The following FAM78B variants were observed in gnomAD, a reference collection of about 807,000 sequenced individuals.
The protein encoded by FAM78B is family with sequence similarity 78 member B, also known as protein FAM78B.
Under a neutral mutation model 20.0 loss-of-function variants are expected in FAM78B, and 10 were observed. The ratio of observed to expected loss-of-function variants is 0.50; its 90% CI spans 0.31 to 0.85. FAM78B has a LOEUF of 0.85. FAM78B is among the 40% of genes least tolerant of loss of function. The pLI, the probability that FAM78B is intolerant of heterozygous loss-of-function variation, is 0.05. For synonymous variants in FAM78B, 135 were observed against 132.8 expected (o/e 1.02, Z -0.12); for missense variants, 283 against 345.0 (o/e 0.82, Z 1.42).
At chr1:166,165,811 C>A (rs1382216695) in intron 1 of FAM78B, among the ~76,000 whole-genome samples, 175 bp downstream of exon 1, 1 of 152,112 alleles carries the variant, frequency 6.6e-6, no homozygotes, top group Non-Finnish European at 1.5e-5. Context: ...CTCCCTACAC[C>A]CGCCCTGTCA....
In FAM78B at chr1:166,157,552, G is replaced by A. The variant is rs186280916; in HGVS notation, c.263+8434C>T. On this transcript the variant is annotated intron_variant, in intron 1 of 1. Coordinates refer to ENST00000354422, the MANE Select transcript of FAM78B (RefSeq NM_001017961.5). Reference sequence around the variant, plus strand: ...ACCCCAGAACCTAATGAGGGAGCAGGGTCCACATGGGCCTCGAGAAAAGGA... The same window carrying A: ...ACCCCAGAACCTAATGAGGGAGCAGAGTCCACATGGGCCTCGAGAAAAGGA... 4.1e-3 allele frequency among the ~76,000 whole-genome samples: 618 copies of A among 152,112 alleles called. 2 individuals carry two copies. Among genetic ancestry groups the A allele is most frequent in the Non-Finnish European group, 5.4e-3 (364 of 68,002 alleles).
chr1:166,163,447 G>T (rs1015536655), intron 1 of FAM78B, among the ~76,000 whole-genome samples: 4 of 152,150 alleles, frequency 2.6e-5, no homozygotes, highest in Non-Finnish European at 5.9e-5. Context: ...GTAAACAGGA[G>T]TTTCTTGCCA....
intron 2 of FAM78B, among the ~76,000 whole-genome samples, chr1:166,062,543 A>G (rs1651636745): frequency 6.6e-6 from 1 of 152,252 alleles, no homozygotes; most frequent in African/African-American, 2.4e-5. Flanking sequence ...CAGAAGACTT[A>G]GGAAATTTTT....
In FAM78B at chr1:166,103,393, C is replaced by CA. The variant is rs543377857; in HGVS notation, c.264-32631dup. Among the ~76,000 whole-genome samples, 27 of 152,114 alleles carry CA rather than the reference C, an allele frequency of 1.8e-4. No homozygotes were observed. The South Asian group carries it at 3.5e-3, about 20-fold the overall frequency. The stretch of plus-strand genomic sequence containing the variant: ...GGAAATAGAGACACAAAAAACCCTT[C>CA]AAAAAATCAATGAATCCAGGAGCTG... On this transcript the variant is annotated intron_variant, in intron 1 of 1. Transcript: ENST00000354422.
At position 166,166,471 on chromosome 1, in the gene FAM78B, T is replaced by G. The variant is rs1400877395; in HGVS notation, c.-223A>C. The G allele has an allele frequency of 1.0e-5, 2 of 190,924 alleles. No individual in the cohort carries two copies. Among genetic ancestry groups the G allele is most frequent in the Non-Finnish European group, 1.9e-5 (2 of 103,090 alleles). 11.8% of individuals were successfully genotyped at this position (190,924 alleles called of 1,614,324 possible). ...CCGACGTCCGCCCACGCCCGCCCCC[T>G]CGCTCCGGCAGGGCGCGCGGAGGGT... is the stretch of plus-strand genomic sequence containing the variant. On this transcript the variant is annotated 5_prime_UTR_variant, in exon 1 of 2. Transcript: ENST00000354422.
chr1:166,085,061 C>T (rs1302706330), intron 1 of FAM78B, among the ~76,000 whole-genome samples: 4 of 152,216 alleles, frequency 2.6e-5, no homozygotes, highest in Non-Finnish European at 5.9e-5. Context: ...ATGGAACCTT[C>T]TGGTGGATCC....
chr1:166,077,237 T>C (rs939991213), intron 1 of FAM78B, among the ~76,000 whole-genome samples: 2 of 152,198 alleles, frequency 1.3e-5, no homozygotes, highest in Non-Finnish European at 2.9e-5. Flanking sequence ...TCCAGCATCA[T>C]GGCTGAAAGC....
At chr1:166,120,569 C>T (rs527906447) in intron 1 of FAM78B, among the ~76,000 whole-genome samples, 1 of 152,282 alleles carries the variant, frequency 6.6e-6, no homozygotes, top group African/African-American at 2.4e-5. Flanking sequence ...AGAACAAACC[C>T]AATTTGTGTG....
downstream of FAM78B, among the ~76,000 whole-genome samples, chr1:166,056,279 C>T (rs187734456): frequency 1.6e-3 from 234 of 148,758 alleles, 1 homozygote; most frequent in African/African-American, 5.5e-3. Flanking sequence ...TGTGTGTGTG[C>T]GTGTGTAGAG....
intron 2 of FAM78B, among the ~76,000 whole-genome samples, chr1:166,062,944 C>A (rs1344553065): frequency 6.6e-6 from 1 of 152,246 alleles, no homozygotes; most frequent in Non-Finnish European, 1.5e-5. Context: ...TGTCTGTGCA[C>A]ATACTGACGT....
chr1:166,124,746 T>C (rs531352805), intron 1 of FAM78B, among the ~76,000 whole-genome samples: 11 of 152,352 alleles, frequency 7.2e-5, no homozygotes, highest in Non-Finnish European at 1.2e-4. Context: ...CTGACAGAAC[T>C]GAACGGAACC....
intron 1 of FAM78B, among the ~76,000 whole-genome samples, chr1:166,150,897 C>A (rs1655647625): frequency 6.6e-6 from 1 of 151,890 alleles, no homozygotes; most frequent in African/African-American, 2.4e-5. Flanking sequence ...CTAGCCTGAG[C>A]AACACAGTGA....
chr1:166,064,804 A>G (rs1350973844), downstream of FAM78B, among the ~76,000 whole-genome samples: 1 of 152,218 alleles, frequency 6.6e-6, no homozygotes, highest in Non-Finnish European at 1.5e-5. Flanking sequence ...ATTTTCAGAC[A>G]CTGTCCTACT....
At chr1:166,139,088 G>A (rs1363799562) in intron 1 of FAM78B, among the ~76,000 whole-genome samples, 1 of 152,104 alleles carries the variant, frequency 6.6e-6, no homozygotes, top group African/African-American at 2.4e-5. Context: ...GCAGCAAGGG[G>A]GACACCAGAA....
chr1:166,078,714 G>C (rs1182612993), intron 1 of FAM78B, among the ~76,000 whole-genome samples: 1 of 152,188 alleles, frequency 6.6e-6, no homozygotes, highest in Non-Finnish European at 1.5e-5. Flanking sequence ...GGGAGAGGCT[G>C]GCAGCAACAT....
chr1:166,088,342 C>T (rs1652919339), intron 1 of FAM78B, among the ~76,000 whole-genome samples: 1 of 152,170 alleles, frequency 6.6e-6, no homozygotes, highest in Non-Finnish European at 1.5e-5. Context: ...CCTGCATGGC[C>T]CTTTACTCCA....
chr1:166,095,674 G>C (rs566762164), intron 1 of FAM78B, among the ~76,000 whole-genome samples: 2 of 152,250 alleles, frequency 1.3e-5, no homozygotes, highest in African/African-American at 4.8e-5. Flanking sequence ...CTGCCAAAAA[G>C]GGGGCAGGAG....
intron 1 of FAM78B, among the ~76,000 whole-genome samples, chr1:166,090,278 A>C (rs1177316270): frequency 6.6e-6 from 1 of 151,446 alleles, no homozygotes; most frequent in East Asian, 2.0e-4. Flanking sequence ...TGAGCACGTA[A>C]ACACAAACAA....
chr1:166,160,076 G>A (rs775642470), intron 1 of FAM78B, among the ~76,000 whole-genome samples: 11 of 152,156 alleles, frequency 7.2e-5, no homozygotes, highest in East Asian at 1.9e-4. Context: ...TGGAAATGGC[G>A]GGGGGAGAAT....
Sources: gnomAD v4.1 joint callset for allele counts (sites outside exome capture counted in the v4.1 genomes callset) on GRCh38, gnomAD v4.1.1 for gene constraint, MANE v1.5 for transcripts, NCBI Gene and HGNC (gene_info 2026-07-23, HGNC 2026-07-21) for gene names.